Variants in DERL1 observed in about 807,000 individuals in gnomAD.
DERL1 encodes derlin-1.
A neutral mutation model predicts 41.6 loss-of-function variants in DERL1; 24 were observed. The ratio of observed to expected loss-of-function variants is 0.58; its 90% CI spans 0.42 to 0.81. The LOEUF is 0.81. DERL1 is among the 30% of genes least tolerant of loss of function. The pLI is 0.00. For missense variants in DERL1, 260 were observed against 314.3 expected (o/e 0.83, Z 1.31); for synonymous variants, 124 against 112.5 (o/e 1.10, Z -0.65).
chr8:123,032,144 T>C (rs543733670), intron 1 of DERL1, among the ~76,000 whole-genome samples: 193 of 149,060 alleles, frequency 1.3e-3, no homozygotes, highest in Non-Finnish European at 2.0e-3. Context: ...CATTTTTTTT[T>C]TCCCCCCCGA....
intron 1 of DERL1, among the ~76,000 whole-genome samples, chr8:123,038,289 T>C (rs1812972045): frequency 6.6e-6 from 1 of 152,240 alleles, no homozygotes; most frequent in South Asian, 2.1e-4. Context: ...CACCGCACAC[T>C]GTCCGTGCAC....
At chr8:123,022,806 C>G in intron 4 of DERL1, 27 bp from the exon 5 acceptor site, 1 of 1,604,876 alleles carries the variant, frequency 6.2e-7, no homozygotes, top group Non-Finnish European at 8.5e-7. Context: ...CATGTAAAAA[C>G]CAGGCTCCAG....
chr8:123,026,636 G>A (rs1812694644), intron 2 of DERL1, among the ~76,000 whole-genome samples: 1 of 152,142 alleles, frequency 6.6e-6, no homozygotes, highest in African/African-American at 2.4e-5. Context: ...AACTCAAAGA[G>A]CTCTGCAACT....
chr8:123,018,282 T>C (rs1814641353), intron 7 of DERL1: 4 of 152,196 alleles, frequency 2.6e-5, no homozygotes, highest in Non-Finnish European at 2.9e-5. Flanking sequence ...GTGATTTAAC[T>C]GGCCCGTTCT....
chr8:123,041,561 T>C (rs1358743084), intron 1 of DERL1, among the ~76,000 whole-genome samples: 2 of 152,192 alleles, frequency 1.3e-5, no homozygotes, highest in African/African-American at 4.8e-5. Flanking sequence ...GGAACTCAGC[T>C]ATAAGTTGGT....
Position 123,019,229 on chromosome 8 carries a change from C to T in DERL1, c.583G>A (p.Gly195Arg). The change falls in exon 7 of 8, where the codon GGA becomes AGA. Residue 195 changes from glycine (G) to arginine (R), a missense_variant. Gly to Arg is a moderately radical substitution (Grantham distance 125). Transcript: ENST00000259512. ...GGTGTGGATAGAAAATTTCTTCCTC[C>T]CAAGTCCATTGGGTATCTGAACATT... ...FLMFRYPMDLGGRNFLSTPQF... is the reference protein window; with the variant it reads ...FLMFRYPMDLRGRNFLSTPQF... The T allele has an allele frequency of 6.2e-7, 1 of 1,613,922 alleles. No individual in the cohort carries two copies. Among genetic ancestry groups the T allele is most frequent in the African/African-American group, 1.3e-5 (1 of 74,990 alleles).
At position 123,023,689 on chromosome 8, in the gene DERL1, T is replaced by G. The variant is rs765976187; in HGVS notation, c.357+24A>C. On this transcript the variant is annotated intron_variant, in intron 4 of 7. Transcript: ENST00000259512. The stretch of plus-strand genomic sequence containing the variant: ...TATTTGAAACAAATAAAAGGGCAAA[T>G]AGATAGTTTAAATGGACACTTACCT... 12 of 1,601,066 alleles carry G rather than the reference T, an allele frequency of 7.5e-6. No homozygotes were observed. In the South Asian group the frequency reaches 1.4e-4, roughly 18 times the overall value.
At chr8:123,023,687 AATAG>A in intron 4 of DERL1, 22 bp downstream of exon 4, 1 of 1,602,094 alleles carries the variant, frequency 6.2e-7, no homozygotes, top group Non-Finnish European at 8.5e-7. Context: ...TAAAAGGGCA[AATAG>A]ATAGTTTAAA....
At position 123,013,519 on chromosome 8, in the gene DERL1, C is replaced by A. The variant is rs1320739046; in HGVS notation, c.*1928G>T. On this transcript the variant is annotated 3_prime_UTR_variant, in exon 8 of 8. Coordinates refer to ENST00000259512, the MANE Select transcript of DERL1 (RefSeq NM_024295.6). The stretch of plus-strand genomic sequence containing the variant: ...AATAGCTTGTTTTGGTAAAATTATT[C>A]CAGAAACATAATCCAGACAAAATCA... 6.6e-6 allele frequency: 1 copy of A among 151,908 alleles called. No homozygotes were observed. Among genetic ancestry groups the A allele is most frequent in the East Asian group, 1.9e-4 (1 of 5,192 alleles). 9.4% of individuals were successfully genotyped at this position (151,908 alleles called of 1,614,324 possible). A position where few individuals can be genotyped will look rare whatever the true frequency, so the allele number is the denominator to read the frequency against.
chr8:123,035,930 A>C (rs16897903), intron 1 of DERL1, among the ~76,000 whole-genome samples: 2 of 152,084 alleles, frequency 1.3e-5, no homozygotes, highest in Admixed American at 6.5e-5. Flanking sequence ...ACTTAAGTAT[A>C]TATCAGTCAC....
chr8:123,036,895 AG>A (rs1812940646), intron 1 of DERL1, among the ~76,000 whole-genome samples: 1 of 152,196 alleles, frequency 6.6e-6, no homozygotes, highest in South Asian at 2.1e-4. Context: ...TATAAGCAAA[AG>A]CTTGGCAAAT....
At chr8:123,030,748 T>C (rs369499363) in intron 1 of DERL1, 32 bp from the exon 2 acceptor site, 1 of 1,439,908 alleles carries the variant, frequency 6.9e-7, no homozygotes, top group East Asian at 2.3e-5. Flanking sequence ...CAGCTGTTAG[T>C]TTCTGTAAGC....
At chr8:123,030,335 A>G (rs1812794499) in intron 2 of DERL1, 1 of 281,394 alleles carries the variant, frequency 3.6e-6, no homozygotes, top group Non-Finnish European at 6.6e-6. Flanking sequence ...CTCAGCCACT[A>G]AGGAGATGGA....
At chr8:123,029,032 T>A (rs552932209) in intron 2 of DERL1, among the ~76,000 whole-genome samples, 7 of 151,670 alleles carry the variant, frequency 4.6e-5, no homozygotes, top group African/African-American at 1.7e-4. Flanking sequence ...TGTGCCACTA[T>A]ACTCCAGTCT....
intron 1 of DERL1, among the ~76,000 whole-genome samples, chr8:123,033,713 A>T (rs772329549): frequency 7.2e-5 from 11 of 152,246 alleles, no homozygotes; most frequent in Non-Finnish European, 1.2e-4. Context: ...ACTGCACTCC[A>T]GCCTGGGCAA....
chr8:123,015,665 C>T, intron 7 of DERL1, 80 bp from the exon 8 acceptor site: 1 of 1,481,112 alleles, frequency 6.8e-7, no homozygotes, highest in Non-Finnish European at 9.0e-7. Flanking sequence ...TCCGAGAACA[C>T]CTCCCTCTCC....
chr8:123,022,975 A>G (rs1216130837), intron 4 of DERL1, among the ~76,000 whole-genome samples, 196 bp from the exon 5 acceptor site: 1 of 152,224 alleles, frequency 6.6e-6, no homozygotes, highest in African/African-American at 2.4e-5. Context: ...AAAATACAAC[A>G]AAACTATATT....
intron 1 of DERL1, among the ~76,000 whole-genome samples, chr8:123,037,981 T>A (rs563648766): frequency 6.6e-6 from 1 of 152,312 alleles, no homozygotes; most frequent in Non-Finnish European, 1.5e-5. Flanking sequence ...TGTGAACTAT[T>A]TGATTGATGA....
intron 3 of DERL1, among the ~76,000 whole-genome samples, chr8:123,024,127 A>T (rs1362968153): frequency 6.6e-6 from 1 of 152,238 alleles, no homozygotes; most frequent in African/African-American, 2.4e-5. Flanking sequence ...AGTAGAAATC[A>T]ACAGCTTCCG....
Sources: allele counts gnomAD v4.1 joint callset (sites outside exome capture counted in the v4.1 genomes callset), GRCh38; gene constraint gnomAD v4.1.1; transcripts MANE v1.5; gene names NCBI Gene and HGNC (gene_info 2026-07-23, HGNC 2026-07-21).